Variants in SHANK2 observed in about 807,000 individuals in gnomAD.
The protein encoded by SHANK2 is SH3 and multiple ankyrin repeat domains 2.
SHANK2 carries 43 observed loss-of-function variants against 133.7 expected under a neutral mutation model. The ratio of observed to expected loss-of-function variants is 0.32; its 90% CI spans 0.25 to 0.41. The LOEUF is 0.41. Ranked by LOEUF, SHANK2 falls within the 10% of genes least tolerant of loss-of-function variation. The pLI is 1.00. For missense variants in SHANK2, 1,994 were observed against 2,235.8 expected (o/e 0.89, Z 2.18); for synonymous variants, 1,017 against 952.8 (o/e 1.07, Z -1.24).
intron 2 of SHANK2, among the ~76,000 whole-genome samples, chr11:71,221,618 C>A (rs754081334): frequency 6.6e-6 from 1 of 152,192 alleles, no homozygotes; most frequent in Non-Finnish European, 1.5e-5. Flanking sequence ...AATCTAGTGT[C>A]TTCAACAGTC....
intron 14 of SHANK2, among the ~76,000 whole-genome samples, chr11:70,717,007 C>A (rs1383820731): frequency 6.6e-6 from 1 of 150,678 alleles, no homozygotes; most frequent in Non-Finnish European, 1.5e-5. Context: ...CTGATATAAA[C>A]CATTATGCAG....
At chr11:71,163,255 T>A (rs531187718) in intron 2 of SHANK2, among the ~76,000 whole-genome samples, 7 of 150,096 alleles carry the variant, frequency 4.7e-5, no homozygotes, top group African/African-American at 1.5e-4. Flanking sequence ...GAGTCATTAT[T>A]GTGTTTGTCT....
At chr11:70,510,877 A>G (rs1446819970) in intron 17 of SHANK2, among the ~76,000 whole-genome samples, 2 of 152,200 alleles carry the variant, frequency 1.3e-5, no homozygotes, top group Non-Finnish European at 2.9e-5. Context: ...AGCCACATGA[A>G]GTGGCAGCAC....
intron 1 of SHANK2, among the ~76,000 whole-genome samples, chr11:71,242,643 T>C (rs1555124533): frequency 6.6e-6 from 1 of 152,226 alleles, no homozygotes; most frequent in African/African-American, 2.4e-5. Context: ...CTTTAATTAT[T>C]GTTTGCTCCC....
intron 17 of SHANK2, chr11:70,654,490 T>C (rs1162038342): frequency 1.3e-5 from 2 of 152,192 alleles, no homozygotes; most frequent in Non-Finnish European, 2.9e-5. Context: ...AATATTTCCT[T>C]TCCTTTTTGT....
chr11:70,822,758 G>A (rs1229974685), intron 11 of SHANK2, among the ~76,000 whole-genome samples: 7 of 102,984 alleles, frequency 6.8e-5, no homozygotes, highest in South Asian at 3.7e-4. Context: ...CAGAGGTGGC[G>A]CTGGCAGAGG....
Position 70,636,306 on chromosome 11 carries a change from GA to G in SHANK2, c.2061+23521del, listed in dbSNP as rs2061081435. On this transcript the variant is annotated intron_variant, in intron 17 of 25. Coordinates refer to ENST00000601538, the MANE Select transcript of SHANK2 (RefSeq NM_012309.5). ...ACATGTATGAGTATGTGTGTGAGCA[GA>G]TGTGTGAGCGTGTGAATGTTAGCAT... is the stretch of plus-strand genomic sequence containing the variant. Among the ~76,000 whole-genome samples, 6 of 152,120 alleles carry G rather than the reference GA, an allele frequency of 3.9e-5. No individual in the cohort carries two copies. The South Asian group carries it at 1.2e-3, about 32-fold the overall frequency.
intron 17 of SHANK2, chr11:70,604,524 A>T (rs559199874): frequency 6.6e-6 from 1 of 152,346 alleles, no homozygotes; most frequent in African/African-American, 2.4e-5. Flanking sequence ...TACAGACATA[A>T]ACGCTCGGCT....
chr11:70,550,693 A>G (rs1448490887), intron 17 of SHANK2, among the ~76,000 whole-genome samples: 2 of 152,100 alleles, frequency 1.3e-5, no homozygotes, highest in Non-Finnish European at 2.9e-5. Context: ...AACCCTGGGG[A>G]GGGGCCCGGT....
chr11:70,789,597 A>G (rs1220898054), intron 14 of SHANK2, among the ~76,000 whole-genome samples: 1 of 152,194 alleles, frequency 6.6e-6, no homozygotes, highest in Non-Finnish European at 1.5e-5. Context: ...CTGATTGAGG[A>G]TCCCGACTCC....
intron 12 of SHANK2, among the ~76,000 whole-genome samples, chr11:70,820,087 T>C (rs1413236479): frequency 6.6e-6 from 1 of 152,108 alleles, no homozygotes; most frequent in African/African-American, 2.4e-5. Context: ...AGGCCAGCAG[T>C]ATCCCCAGTC....
intron 17 of SHANK2, among the ~76,000 whole-genome samples, chr11:70,630,105 C>G (rs1428502556): frequency 1.3e-5 from 2 of 152,224 alleles, no homozygotes; most frequent in African/African-American, 2.4e-5. Flanking sequence ...GGCTTTGGCC[C>G]CCACTCAGCT....
intron 14 of SHANK2, among the ~76,000 whole-genome samples, chr11:70,734,114 C>T (rs782411298): frequency 3.3e-5 from 5 of 152,066 alleles, no homozygotes; most frequent in South Asian, 2.1e-4. Context: ...CCCCCTGAGC[C>T]GCGCATCTGG....
At chr11:70,893,522 AG>A (rs1182940592) in intron 11 of SHANK2, among the ~76,000 whole-genome samples, 3 of 152,258 alleles carry the variant, frequency 2.0e-5, no homozygotes, top group African/African-American at 7.2e-5. Context: ...TAGAGGACTC[AG>A]CCTCCACACC....
intron 2 of SHANK2, among the ~76,000 whole-genome samples, chr11:71,222,081 G>A (rs1026886914): frequency 3.3e-5 from 5 of 151,962 alleles, no homozygotes; most frequent in African/African-American, 9.7e-5. Context: ...GACCAGCACC[G>A]CCTGGGCTTC....
At chr11:70,495,366 C>T (rs537628823) in intron 21 of SHANK2, among the ~76,000 whole-genome samples, 3 of 152,228 alleles carry the variant, frequency 2.0e-5, no homozygotes, top group Non-Finnish European at 2.9e-5. Context: ...CTGGCCTCGC[C>T]GATCAGCTGG....
At chr11:70,517,457 A>G (rs1037525485) in intron 17 of SHANK2, among the ~76,000 whole-genome samples, 5 of 152,210 alleles carry the variant, frequency 3.3e-5, no homozygotes, top group Non-Finnish European at 5.9e-5. Flanking sequence ...CTTGGAAGCA[A>G]CCCAGATGTC....
intron 10 of SHANK2, among the ~76,000 whole-genome samples, chr11:70,925,977 C>T (rs576122898): frequency 3.9e-5 from 6 of 152,250 alleles, no homozygotes; most frequent in African/African-American, 1.4e-4. Context: ...ATTGTTGACT[C>T]ATTAACATTG....
chr11:70,777,335 C>T (rs552982288), intron 14 of SHANK2, among the ~76,000 whole-genome samples: 1 of 151,724 alleles, frequency 6.6e-6, no homozygotes, highest in Non-Finnish European at 1.5e-5. Context: ...ATCCATCCTT[C>T]TACCTACCCA....
Sources: gnomAD v4.1 joint callset for allele counts (sites outside exome capture counted in the v4.1 genomes callset) on GRCh38, gnomAD v4.1.1 for gene constraint, MANE v1.5 for transcripts, NCBI Gene and HGNC (gene_info 2026-07-23, HGNC 2026-07-21) for gene names.